Variants in HUS1 observed in about 807,000 individuals in gnomAD.
HUS1 encodes the protein HUS1 checkpoint clamp component.
In HUS1, 31 loss-of-function variants were observed where a neutral mutation model predicts 32.6. The observed-to-expected ratio is 0.95, with a 90% CI of 0.72 to 1.28. The LOEUF (loss-of-function observed/expected upper bound fraction) is 1.28. Among genes scored for constraint, HUS1 ranks in the 50% most tolerant of loss-of-function variants. The pLI is 0.00. For synonymous variants in HUS1, 123 were observed against 116.6 expected (o/e 1.06, Z -0.36); for missense variants, 340 against 337.7 (o/e 1.01, Z -0.05).
chr7:47,969,365 G>A (rs1562586827), intron 5 of HUS1, 47 bp from the exon 6 acceptor site: 4 of 1,065,526 alleles, frequency 3.8e-6, no homozygotes, highest in Admixed American at 4.1e-5. Flanking sequence ...AAGCCAAAAG[G>A]AAAAAAACTC....
At chr7:47,969,446 C>T in intron 5 of HUS1, 128 bp from the exon 6 acceptor site, 1 of 625,866 alleles carries the variant, frequency 1.6e-6, no homozygotes, top group Non-Finnish European at 2.8e-6. Context: ...TCAGAGCACA[C>T]TGAGACCCCC....
At chr7:47,976,385 G>C (rs966988926) in intron 4 of HUS1, 6 of 463,536 alleles carry the variant, frequency 1.3e-5, no homozygotes, top group South Asian at 6.2e-5. Flanking sequence ...TGCACATCCA[G>C]ATATCGCTCC....
In HUS1 at chr7:47,965,431, C is replaced by G; in HGVS notation, c.768G>C (p.Val256=). The G allele has an allele frequency of 6.2e-7, 1 of 1,611,204 alleles. No homozygotes were observed. Among genetic ancestry groups the G allele is most frequent in the Non-Finnish European group, 8.5e-7 (1 of 1,177,388 alleles). Reference sequence around the variant, plus strand: ...GATCAAAATGCACCATCTTGTTATTCACAATATCTGGGAAGAGAAAAGCCA... The same window carrying G: ...GATCAAAATGCACCATCTTGTTATTGACAATATCTGGGAAGAGAAAAGCCA... ...VNPTKALCNI[V]NNKMVHFDLL... Residue 256 remains valine, a synonymous_variant, in exon 8 of 8, where the codon GTG becomes GTC. Transcript: ENST00000258774.
At chr7:47,969,807 A>T (rs1240172119) in intron 5 of HUS1, among the ~76,000 whole-genome samples, 1 of 152,198 alleles carries the variant, frequency 6.6e-6, no homozygotes, top group Non-Finnish European at 1.5e-5. Context: ...GATCTCAGAA[A>T]GTCCTGGGGA....
chr7:47,971,650 C>A (rs1252062404), intron 5 of HUS1: 1 of 437,762 alleles, frequency 2.3e-6, no homozygotes. Flanking sequence ...TTGATATCTG[C>A]CCAATGTTAA....
At chr7:47,971,020 T>C (rs1788587889) in intron 5 of HUS1, among the ~76,000 whole-genome samples, 2 of 152,142 alleles carry the variant, frequency 1.3e-5, no homozygotes, top group Non-Finnish European at 2.9e-5. Flanking sequence ...GAACCAAAAC[T>C]AAACAACAGG....
chr7:47,975,966 A>C (rs529600897), intron 4 of HUS1, among the ~76,000 whole-genome samples: 2 of 152,182 alleles, frequency 1.3e-5, no homozygotes, highest in Non-Finnish European at 2.9e-5. Context: ...TCAAGAAGGA[A>C]TAGGGTACTT....
chr7:47,971,470 C>A (rs914993596), intron 5 of HUS1: 6 of 456,618 alleles, frequency 1.3e-5, no homozygotes, highest in Non-Finnish European at 2.2e-5. Flanking sequence ...CTTTGAAGCT[C>A]CTCTACCCAC....
chr7:47,970,232 C>CA (rs777331089), intron 5 of HUS1, among the ~76,000 whole-genome samples: 2,252 of 47,688 alleles, frequency 0.047, 208 homozygotes, highest in African/African-American at 0.11. Context: ...GACTCTGTCT[C>CA]AAAAAAAAAA....
At chr7:47,976,593 C>A in intron 4 of HUS1, 137 bp downstream of exon 4, 1 of 675,538 alleles carries the variant, frequency 1.5e-6, no homozygotes, top group Non-Finnish European at 2.7e-6. Context: ...ATGTAAATAA[C>A]AAAAGGCAAA....
At position 47,967,833 on chromosome 7, in the gene HUS1, G is replaced by T; in HGVS notation, c.733C>A (p.Gln245Lys). The change falls in exon 7 of 8, where the codon CAA (glutamine) becomes AAA (lysine). Residue 245 changes from glutamine to lysine, a missense_variant. Transcript: ENST00000258774. ...CATAAGGCCTTTGTGGGATTTACTT[G>T]TTGTCCAGCAAGAAACTGTAGGAGC... ...RKLLQFLAGQ[Q>K]VNPTKALCNI... 1 of 1,613,698 alleles carries T rather than the reference G, an allele frequency of 6.2e-7. No individual in the cohort carries two copies. The highest frequency in any genetic ancestry group is 8.5e-7 in the Non-Finnish European group (1 of 1,179,846).
Position 47,969,320 on chromosome 7 carries a change from T to C in HUS1, c.541-2A>G. On this transcript the variant is annotated splice_acceptor_variant, in intron 5 of 7. Transcript: ENST00000258774. LOFTEE classifies it high-confidence loss of function. ...TCCATCTAGGTTTGCTTCAATAACC[T>C]GCAAATTGAGTATTTTACATAGTCT... is the stretch of plus-strand genomic sequence containing the variant. The C allele has an allele frequency of 6.6e-7, 1 of 1,518,266 alleles. No individual in the cohort carries two copies. The highest frequency in any genetic ancestry group is 9.1e-7 in the Non-Finnish European group (1 of 1,100,216). 94.0% of individuals were successfully genotyped at this position (1,518,266 alleles called of 1,614,324 possible).
At chr7:47,979,446 C>T (rs1335794559) in intron 1 of HUS1, 22 bp downstream of exon 1, 2 of 1,613,382 alleles carry the variant, frequency 1.2e-6, no homozygotes, top group Non-Finnish European at 1.7e-6. Flanking sequence ...CTCCCTCGCT[C>T]CTCTCCGGCC....
chr7:47,972,491 T>G (rs899716547), intron 5 of HUS1, among the ~76,000 whole-genome samples: 1 of 152,226 alleles, frequency 6.6e-6, no homozygotes, highest in Non-Finnish European at 1.5e-5. Context: ...CACTGGTCAC[T>G]CATGTCTATT....
At chr7:47,979,016 A>C (rs1198511053) in intron 1 of HUS1, 200 bp from the exon 2 acceptor site, 2 of 584,326 alleles carry the variant, frequency 3.4e-6, no homozygotes, top group South Asian at 4.1e-5. Flanking sequence ...TACAGCACAC[A>C]TCATCAGTGT....
chr7:47,967,770 A>G, intron 7 of HUS1, 36 bp downstream of exon 7: 2 of 1,590,920 alleles, frequency 1.3e-6, no homozygotes, highest in Non-Finnish European at 1.7e-6. Context: ...TAGAATATGA[A>G]AGAATATGAA....
chr7:47,978,652 T>G, intron 2 of HUS1, 37 bp downstream of exon 2: 1 of 1,613,042 alleles, frequency 6.2e-7, no homozygotes, highest in South Asian at 1.1e-5. Context: ...AGTGACAATC[T>G]GCAGAGTGTG....
intron 1 of HUS1, among the ~76,000 whole-genome samples, chr7:47,979,159 G>A (rs1239128916): frequency 6.6e-6 from 1 of 152,112 alleles, no homozygotes; most frequent in Non-Finnish European, 1.5e-5. Flanking sequence ...GGGCCTTGAA[G>A]GTATGTCAAT....
intron 5 of HUS1, among the ~76,000 whole-genome samples, chr7:47,970,723 G>GA (rs1253838551): frequency 6.6e-6 from 1 of 152,114 alleles, no homozygotes; most frequent in African/African-American, 2.4e-5. Flanking sequence ...TGGATTGAAA[G>GA]AAAAATGGGA....
Sources: allele counts gnomAD v4.1 joint callset (sites outside exome capture counted in the v4.1 genomes callset), GRCh38; gene constraint gnomAD v4.1.1; transcripts MANE v1.5; gene names NCBI Gene and HGNC (gene_info 2026-07-23, HGNC 2026-07-21).